The following CAMTA1 variants were observed in gnomAD, a reference collection of about 807,000 sequenced individuals.
CAMTA1 encodes the protein calmodulin binding transcription activator 1.
CAMTA1 carries 27 observed loss-of-function variants against 170.9 expected under a neutral mutation model. The observed-to-expected ratio is 0.16, with a 90% CI of 0.12 to 0.22. The LOEUF is 0.22. Among genes scored for constraint, CAMTA1 ranks in the 10% least tolerant of loss-of-function variants. The pLI, the probability that CAMTA1 is intolerant of heterozygous loss-of-function variation, is 1.00. For synonymous variants in CAMTA1, 833 were observed against 891.5 expected (o/e 0.93, Z 1.17); for missense variants, 1,619 against 2,217.2 (o/e 0.73, Z 5.42).
At chr1:7,643,593 A>T (rs1425091578) in intron 7 of CAMTA1, among the ~76,000 whole-genome samples, 1 of 152,206 alleles carries the variant, frequency 6.6e-6, no homozygotes, top group Non-Finnish European at 1.5e-5. Context: ...GGGGGTGGAA[A>T]CCAGTCCGGA....
intron 3 of CAMTA1, among the ~76,000 whole-genome samples, chr1:6,869,027 T>C (rs925789421): frequency 2.0e-5 from 3 of 152,222 alleles, no homozygotes; most frequent in African/African-American, 7.2e-5. Context: ...CTTTCTGTAC[T>C]CTTTGATTTA....
chr1:7,061,345 G>A (rs559853089), intron 3 of CAMTA1, among the ~76,000 whole-genome samples: 4 of 152,332 alleles, frequency 2.6e-5, no homozygotes, highest in East Asian at 1.9e-4. Context: ...TCGCCAGCGC[G>A]CACAGTTGCT....
At chr1:7,540,201 A>G (rs1426940133) in intron 6 of CAMTA1, among the ~76,000 whole-genome samples, 1 of 152,156 alleles carries the variant, frequency 6.6e-6, no homozygotes, top group Non-Finnish European at 1.5e-5. Flanking sequence ...GTGCGACTCA[A>G]TGAATAATTA....
chr1:7,569,783 C>A (rs2095103808), intron 6 of CAMTA1, among the ~76,000 whole-genome samples: 1 of 151,994 alleles, frequency 6.6e-6, no homozygotes, highest in African/African-American at 2.4e-5. Context: ...ATCATCACTA[C>A]CACCATCACC....
At chr1:7,266,669 T>C (rs1043492752) in intron 5 of CAMTA1, among the ~76,000 whole-genome samples, 1 of 152,182 alleles carries the variant, frequency 6.6e-6, no homozygotes, top group Non-Finnish European at 1.5e-5. Context: ...GCAATGCATA[T>C]GCCTAGATGA....
At chr1:7,654,147 G>A (rs944660734) in intron 7 of CAMTA1, among the ~76,000 whole-genome samples, 1 of 151,926 alleles carries the variant, frequency 6.6e-6, no homozygotes, top group African/African-American at 2.4e-5. Context: ...TCAGGAGGCC[G>A]AGGTGGGTGT....
intron 3 of CAMTA1, among the ~76,000 whole-genome samples, chr1:6,926,433 C>CTT (rs1557837427): frequency 1.6e-5 from 2 of 123,890 alleles, no homozygotes; most frequent in East Asian, 2.4e-4. Flanking sequence ...CTCTTTCTTT[C>CTT]TTTTCTCTTT....
At chr1:7,461,636 C>T (rs1349266277) in intron 5 of CAMTA1, among the ~76,000 whole-genome samples, 1 of 152,232 alleles carries the variant, frequency 6.6e-6, no homozygotes, top group Non-Finnish European at 1.5e-5. Context: ...TAGATGCTGG[C>T]CTCACATTTT....
intron 4 of CAMTA1, among the ~76,000 whole-genome samples, chr1:7,184,625 C>T (rs1652886327): frequency 1.3e-5 from 2 of 152,170 alleles, no homozygotes; most frequent in South Asian, 4.2e-4. Flanking sequence ...AGATTGATTA[C>T]TGATGGGGTT....
intron 5 of CAMTA1, among the ~76,000 whole-genome samples, chr1:7,372,340 G>A (rs772939006): frequency 6.6e-6 from 1 of 152,218 alleles, no homozygotes; most frequent in African/African-American, 2.4e-5. Context: ...GACTGAAAAT[G>A]TTGGTGAGAT....
At chr1:7,277,708 C>T (rs1021641051) in intron 5 of CAMTA1, among the ~76,000 whole-genome samples, 1 of 151,806 alleles carries the variant, frequency 6.6e-6, no homozygotes, top group East Asian at 1.9e-4. Flanking sequence ...ACAAGGAAGA[C>T]ATTGATATAA....
intron 3 of CAMTA1, among the ~76,000 whole-genome samples, chr1:6,973,186 G>T (rs1005068637): frequency 6.6e-6 from 1 of 152,198 alleles, no homozygotes; most frequent in African/African-American, 2.4e-5. Flanking sequence ...AACATGTGTT[G>T]CTATCTTTAG....
chr1:7,750,199 G>A (rs2096886509), intron 19 of CAMTA1, among the ~76,000 whole-genome samples: 1 of 152,162 alleles, frequency 6.6e-6, no homozygotes, highest in Non-Finnish European at 1.5e-5. Context: ...CCAGTGAAAA[G>A]GTAAAGCAGG....
intron 3 of CAMTA1, among the ~76,000 whole-genome samples, chr1:6,847,094 C>T (rs1658482629): frequency 6.6e-6 from 1 of 151,464 alleles, no homozygotes; most frequent in Admixed American, 6.6e-5. Flanking sequence ...ACCTCTGCCT[C>T]CTGGGTTCAA....
At position 7,732,727 on chromosome 1, in the gene CAMTA1, G is replaced by T; in HGVS notation, c.3066+128G>T. On this transcript the variant is annotated intron_variant, in intron 12 of 22. Transcript: ENST00000303635. The surrounding 1 kb of genome is among the most constrained non-coding windows in gnomAD (Gnocchi z 4.1). ...CCTGTATTCAGGCAGAAGGCCTGAG[G>T]GAGTACTTTACGGTACCTGTGCTTT... The T allele has an allele frequency of 7.7e-7, 1 of 1,305,278 alleles. No homozygotes were observed. The highest frequency in any genetic ancestry group is 2.8e-5 in the Admixed American group (1 of 35,102). The allele number at this position is 1,305,278 out of a possible 1,614,324, so 80.9% of individuals were successfully genotyped here. A position where few individuals can be genotyped will look rare whatever the true frequency, so the allele number is the denominator to read the frequency against.
At chr1:7,540,902 C>T (rs1181521584) in intron 6 of CAMTA1, among the ~76,000 whole-genome samples, 5 of 152,226 alleles carry the variant, frequency 3.3e-5, no homozygotes, top group Non-Finnish European at 7.3e-5. Context: ...CACAAAGTTG[C>T]TGCACCAACA....
At chr1:7,130,644 T>A (rs1461005960) in intron 4 of CAMTA1, among the ~76,000 whole-genome samples, 2 of 152,222 alleles carry the variant, frequency 1.3e-5, no homozygotes, top group Admixed American at 1.3e-4. Context: ...TATTTACTTA[T>A]TTAAAAATTT....
chr1:6,894,373 G>A (rs1675200050), intron 3 of CAMTA1, among the ~76,000 whole-genome samples: 1 of 152,212 alleles, frequency 6.6e-6, no homozygotes, highest in Admixed American at 6.5e-5. Flanking sequence ...GTGGAATTAA[G>A]GGGCAAAAGC....
chr1:7,542,421 A>AT (rs1367412775), intron 6 of CAMTA1, among the ~76,000 whole-genome samples: 6 of 151,624 alleles, frequency 4.0e-5, no homozygotes, highest in Admixed American at 3.9e-4. Context: ...CTCAAAACAT[A>AT]TTTTTTTGTT....
Sources: allele counts gnomAD v4.1 joint callset (sites outside exome capture counted in the v4.1 genomes callset), GRCh38; gene constraint gnomAD v4.1.1; non-coding constraint Gnocchi (gnomAD v3.1); transcripts MANE v1.5; gene names NCBI Gene and HGNC (gene_info 2026-07-23, HGNC 2026-07-21).